Variants in RORA observed in about 807,000 individuals in gnomAD.
RORA encodes nuclear receptor ROR-alpha.
In RORA, 7 loss-of-function variants were observed where a neutral mutation model predicts 69.5. The observed-to-expected ratio is 0.10, with a 90% CI of 0.06 to 0.19. The LOEUF (loss-of-function observed/expected upper bound fraction) is 0.19. Ranked by LOEUF, RORA falls within the 10% of genes least tolerant of loss-of-function variation. The pLI is 1.00. For missense variants in RORA, 457 were observed against 663.0 expected (o/e 0.69, Z 3.41); for synonymous variants, 261 against 240.8 (o/e 1.08, Z -0.78).
chr15:60,539,900 T>C (rs915632370), intron 2 of RORA, among the ~76,000 whole-genome samples: 2 of 152,284 alleles, frequency 1.3e-5, no homozygotes, highest in Admixed American at 1.3e-4. Context: ...TAACTACATT[T>C]TAAAATATAA....
chr15:60,777,989 G>T (rs951350759), intron 1 of RORA, among the ~76,000 whole-genome samples: 4 of 152,172 alleles, frequency 2.6e-5, no homozygotes, highest in African/African-American at 9.7e-5. Context: ...TTGACGTGCT[G>T]TTTAATCCAA....
At chr15:60,768,525 T>C (rs571253495) in intron 1 of RORA, among the ~76,000 whole-genome samples, 1 of 152,352 alleles carries the variant, frequency 6.6e-6, no homozygotes, top group East Asian at 1.9e-4. Flanking sequence ...TTTCAGTTTT[T>C]ATTTTCCACT....
At chr15:61,071,797 T>A (rs914171656) in intron 1 of RORA, among the ~76,000 whole-genome samples, 1 of 151,996 alleles carries the variant, frequency 6.6e-6, no homozygotes, top group Admixed American at 6.5e-5. Flanking sequence ...TTATTTTAGA[T>A]GTAAAGACAA....
intron 2 of RORA, among the ~76,000 whole-genome samples, chr15:60,628,657 G>A (rs2069655279): frequency 6.6e-6 from 1 of 152,216 alleles, no homozygotes. Context: ...TTTAATTAAT[G>A]TTTATTGAAC....
At chr15:61,084,193 CCT>C (rs1383540106) in intron 1 of RORA, among the ~76,000 whole-genome samples, 1 of 152,230 alleles carries the variant, frequency 6.6e-6, no homozygotes. Flanking sequence ...CAAATCATTT[CCT>C]CTCTCTGTTT....
chr15:60,788,992 A>G (rs1339327154), intron 1 of RORA, among the ~76,000 whole-genome samples: 4 of 152,220 alleles, frequency 2.6e-5, no homozygotes, highest in Non-Finnish European at 5.9e-5. Context: ...AGCGTTACCC[A>G]CAGTGGCTGC....
intron 1 of RORA, among the ~76,000 whole-genome samples, chr15:61,115,169 G>C (rs936660070): frequency 1.3e-5 from 2 of 152,014 alleles, no homozygotes; most frequent in African/African-American, 2.4e-5. Flanking sequence ...TGAAGACACT[G>C]CTCTCTTTCA....
chr15:60,588,601 C>T (rs2068406669), intron 2 of RORA, among the ~76,000 whole-genome samples: 1 of 152,184 alleles, frequency 6.6e-6, no homozygotes, highest in Admixed American at 6.5e-5. Flanking sequence ...TTGCTGATCT[C>T]ATCCACTTTT....
intron 1 of RORA, among the ~76,000 whole-genome samples, chr15:60,919,345 G>A (rs1333195990): frequency 6.6e-6 from 1 of 152,228 alleles, no homozygotes; most frequent in Admixed American, 6.5e-5. Context: ...CCCAGCAGGG[G>A]TGAAGGAAGG....
chr15:60,925,571 C>G (rs188512743), intron 1 of RORA, among the ~76,000 whole-genome samples: 1 of 152,226 alleles, frequency 6.6e-6, no homozygotes, highest in Non-Finnish European at 1.5e-5. Flanking sequence ...GAATCCCCAG[C>G]GGGGCTGTCA....
intron 2 of RORA, among the ~76,000 whole-genome samples, chr15:60,639,001 A>G (rs1405417962): frequency 6.6e-6 from 1 of 152,116 alleles, no homozygotes; most frequent in Non-Finnish European, 1.5e-5. Flanking sequence ...GTCACGGGCA[A>G]TATACTATAT....
At chr15:60,546,894 T>G (rs140472140) in intron 2 of RORA, among the ~76,000 whole-genome samples, 48 of 152,344 alleles carry the variant, frequency 3.2e-4, no homozygotes, top group African/African-American at 1.1e-3. Context: ...TCTGTGTTCT[T>G]TTGAGCAGGA....
chr15:60,593,904 C>T (rs2068609826), intron 2 of RORA, among the ~76,000 whole-genome samples: 1 of 152,080 alleles, frequency 6.6e-6, no homozygotes, highest in Non-Finnish European at 1.5e-5. Context: ...TAATCAGCAC[C>T]GTAGAAAACA....
rs191247390 is a variant in RORA, at chr15:61,060,700, T to C, written c.166+168353A>G. Among the ~76,000 whole-genome samples, 74 of 152,016 alleles carry C rather than the reference T, an allele frequency of 4.9e-4. 2 individuals are homozygous for C. The Middle Eastern group carries it at 0.017, about 35-fold the overall frequency. The stretch of plus-strand genomic sequence containing the variant: ...GATCCAGCCACCTCACTCTTTCTAG[T>C]GAAAGGAGAAAAATGGCTGGAATCT... On this transcript the variant is annotated intron_variant, in intron 1 of 10. Transcript: ENST00000335670.
chr15:60,866,323 T>G (rs1461803320), intron 1 of RORA, among the ~76,000 whole-genome samples: 1 of 152,218 alleles, frequency 6.6e-6, no homozygotes, highest in East Asian at 1.9e-4. Context: ...CTTAGTTCAC[T>G]CAACATAATG....
At chr15:61,195,473 G>T (rs2079838706) in intron 1 of RORA, among the ~76,000 whole-genome samples, 2 of 151,432 alleles carry the variant, frequency 1.3e-5, no homozygotes, top group Admixed American at 6.6e-5. Flanking sequence ...CCGATCTACA[G>T]TTCTAATCAA....
intron 1 of RORA, among the ~76,000 whole-genome samples, chr15:60,914,375 T>G (rs1051652457): frequency 3.9e-5 from 6 of 152,138 alleles, no homozygotes; most frequent in African/African-American, 1.4e-4. Context: ...TCCACCACCA[T>G]GCTTTGTGAG....
intron 1 of RORA, among the ~76,000 whole-genome samples, chr15:60,987,663 G>A (rs1253231168): frequency 6.6e-6 from 1 of 152,162 alleles, no homozygotes; most frequent in African/African-American, 2.4e-5. Flanking sequence ...ACATTCTTGA[G>A]GGCAGTGAAG....
At chr15:60,929,177 A>T (rs186558818) in intron 1 of RORA, among the ~76,000 whole-genome samples, 4 of 152,260 alleles carry the variant, frequency 2.6e-5, no homozygotes, top group Non-Finnish European at 5.9e-5. Flanking sequence ...AGGGTAATTT[A>T]TCATACCTTG....
Sources: allele counts gnomAD v4.1 joint callset (sites outside exome capture counted in the v4.1 genomes callset), GRCh38; gene constraint gnomAD v4.1.1; transcripts MANE v1.5; gene names NCBI Gene and HGNC (gene_info 2026-07-23, HGNC 2026-07-21).